NACC2: variants seen among roughly 807,000 people sequenced by gnomAD.
NACC2 encodes nucleus accumbens-associated protein 2.
A neutral mutation model predicts 25.1 loss-of-function variants in NACC2; 8 were observed. The observed-to-expected ratio is 0.32, with a 90% CI of 0.19 to 0.57. The LOEUF is 0.57. Among genes scored for constraint, NACC2 ranks in the 20% least tolerant of loss-of-function variants. The probability of loss-of-function intolerance (pLI) is 0.89; values close to 1 mark genes in which losing one functional copy is unlikely to be tolerated. For missense variants in NACC2, 644 were observed against 650.2 expected (o/e 0.99, Z 0.10); for synonymous variants, 435 against 294.7 (o/e 1.48, Z -4.88).
At chr9:136,024,934 G>A (rs917835790) in intron 2 of NACC2, among the ~76,000 whole-genome samples, 1 of 152,228 alleles carries the variant, frequency 6.6e-6, no homozygotes, top group African/African-American at 2.4e-5. Flanking sequence ...CTGAGAGCCG[G>A]CCTCAGGGTG....
intron 2 of NACC2, among the ~76,000 whole-genome samples, chr9:136,036,538 C>T (rs1840557466): frequency 6.6e-6 from 1 of 152,004 alleles, no homozygotes; most frequent in Non-Finnish European, 1.5e-5. Context: ...TATAAATACA[C>T]ACATATACAT....
chr9:136,039,354 C>G (rs1840597109), intron 2 of NACC2, among the ~76,000 whole-genome samples: 1 of 152,104 alleles, frequency 6.6e-6, no homozygotes, highest in Non-Finnish European at 1.5e-5. Flanking sequence ...TAAAAGCCTT[C>G]CCACAATTAA....
At chr9:136,057,949 A>G (rs1588574848) in intron 1 of NACC2, among the ~76,000 whole-genome samples, 1 of 152,088 alleles carries the variant, frequency 6.6e-6, no homozygotes, top group South Asian at 2.1e-4. Flanking sequence ...TTCGCGGCAC[A>G]CTCTCATGGT....
intron 1 of NACC2, among the ~76,000 whole-genome samples, chr9:136,059,538 G>A (rs996477482): frequency 6.6e-6 from 1 of 152,232 alleles, no homozygotes; most frequent in Non-Finnish European, 1.5e-5. Context: ...TCAGGGAGCT[G>A]GGGGGTTGCC....
chr9:136,053,978 C>T (rs1295994589), intron 1 of NACC2, among the ~76,000 whole-genome samples: 2 of 152,220 alleles, frequency 1.3e-5, no homozygotes, highest in African/African-American at 4.8e-5. Flanking sequence ...AATCCTAGGT[C>T]CCGTGGGCAC....
intron 1 of NACC2, among the ~76,000 whole-genome samples, chr9:136,057,861 T>C (rs1840949013): frequency 6.6e-6 from 1 of 152,150 alleles, no homozygotes; most frequent in South Asian, 2.1e-4. Flanking sequence ...GCACCGACAG[T>C]CAGAGGTGGG....
chr9:136,074,279 T>C (rs1830232343), intron 1 of NACC2, among the ~76,000 whole-genome samples: 1 of 148,992 alleles, frequency 6.7e-6, no homozygotes, highest in Non-Finnish European at 1.5e-5. Flanking sequence ...TGAAACCCCG[T>C]CTCTACTAAT....
chr9:136,048,378 TGAGCCG>T (rs1170974689), intron 2 of NACC2, among the ~76,000 whole-genome samples: 2 of 152,136 alleles, frequency 1.3e-5, no homozygotes, highest in African/African-American at 4.8e-5. Flanking sequence ...GCCTCTGTGG[TGAGCCG>T]GAGCCCGGTG....
At chr9:136,044,647 G>A (rs1324935097) in intron 2 of NACC2, among the ~76,000 whole-genome samples, 3 of 152,212 alleles carry the variant, frequency 2.0e-5, no homozygotes, top group Non-Finnish European at 2.9e-5. Flanking sequence ...GGACGATGGT[G>A]CGATTTGCAT....
intron 2 of NACC2, among the ~76,000 whole-genome samples, chr9:136,027,548 A>G (rs75640440): frequency 7.9e-5 from 12 of 152,326 alleles, no homozygotes; most frequent in African/African-American, 2.9e-4. Flanking sequence ...TTAATTCAGA[A>G]TTCATAACAA....
intron 1 of NACC2, among the ~76,000 whole-genome samples, chr9:136,089,837 T>C (rs1051518449): frequency 6.6e-6 from 1 of 151,546 alleles, no homozygotes; most frequent in African/African-American, 2.4e-5. Context: ...CAGGGGTCAG[T>C]GTGGAATAAG....
chr9:136,008,911 C>T lies in NACC2; in HGVS notation c.*2605G>A, dbSNP rs1366139370. On this transcript the variant is annotated 3_prime_UTR_variant, in exon 6 of 6. Coordinates refer to ENST00000277554, the MANE Select transcript of NACC2 (RefSeq NM_144653.5). ...TAAATTATTATTATTTAAGTTTTAT[C>T]TATAGCTCTTGCCTTCCTTACCCAG... The T allele has an allele frequency of 6.6e-6, 1 of 152,288 alleles. No homozygotes were observed. The highest frequency in any genetic ancestry group is 1.5e-5 in the Non-Finnish European group (1 of 68,070). The allele number at this position is 152,288 out of a possible 1,614,324, so 9.4% of individuals were successfully genotyped here.
intron 3 of NACC2, among the ~76,000 whole-genome samples, chr9:136,015,862 C>G (rs1340626382): frequency 6.6e-6 from 1 of 152,230 alleles, no homozygotes; most frequent in Non-Finnish European, 1.5e-5. Context: ...GGCTTCTGGA[C>G]TCGGACGTGT....
intron 1 of NACC2, among the ~76,000 whole-genome samples, chr9:136,088,979 G>A (rs962718308): frequency 6.6e-5 from 10 of 152,210 alleles, no homozygotes; most frequent in African/African-American, 1.9e-4. Flanking sequence ...CGCGTGGAGC[G>A]GCTGAGGCGG....
intron 2 of NACC2, among the ~76,000 whole-genome samples, chr9:136,027,522 T>C (rs192715857): frequency 6.6e-6 from 1 of 152,308 alleles, no homozygotes; most frequent in Non-Finnish European, 1.5e-5. Flanking sequence ...GAGTGCATTC[T>C]ATGTCCACTG....
chr9:136,073,229 A>C (rs928212813), intron 1 of NACC2, among the ~76,000 whole-genome samples: 3 of 151,942 alleles, frequency 2.0e-5, no homozygotes, highest in African/African-American at 7.3e-5. Flanking sequence ...AGAGTCCAAA[A>C]CCAGCCTAGG....
At chr9:136,083,072 C>T (rs527782614) in intron 1 of NACC2, among the ~76,000 whole-genome samples, 23 of 152,332 alleles carry the variant, frequency 1.5e-4, no homozygotes, top group African/African-American at 4.6e-4. Context: ...GCACTTCACA[C>T]GGCAGAACCT....
intron 1 of NACC2, among the ~76,000 whole-genome samples, chr9:136,082,923 G>T (rs142805270): frequency 2.3e-3 from 346 of 152,306 alleles, no homozygotes; most frequent in Middle Eastern, 0.01. Flanking sequence ...CTACGCCTAG[G>T]ATTTTGTGCT....
intron 1 of NACC2, among the ~76,000 whole-genome samples, chr9:136,085,773 T>A (rs1248471887): frequency 6.6e-6 from 1 of 152,250 alleles, no homozygotes; most frequent in Non-Finnish European, 1.5e-5. Context: ...ATCTTTTACC[T>A]TTTTTCTTAA....
Sources: gnomAD v4.1 joint callset for allele counts (sites outside exome capture counted in the v4.1 genomes callset) on GRCh38, gnomAD v4.1.1 for gene constraint, MANE v1.5 for transcripts, NCBI Gene and HGNC (gene_info 2026-07-23, HGNC 2026-07-21) for gene names.